CNTNAP5: variants seen among roughly 807,000 people sequenced by gnomAD.
CNTNAP5 encodes the protein contactin associated protein family member 5.
Under a neutral mutation model 150.2 loss-of-function variants are expected in CNTNAP5, and 72 were observed. The ratio of observed to expected loss-of-function variants is 0.48; its 90% CI spans 0.40 to 0.58. The LOEUF is 0.58. Ranked by LOEUF, CNTNAP5 falls within the 20% of genes least tolerant of loss-of-function variation. CNTNAP5 has a pLI of 0.00. For synonymous variants in CNTNAP5, 672 were observed against 619.8 expected (o/e 1.08, Z -1.25); for missense variants, 1,636 against 1,626.2 (o/e 1.01, Z -0.10).
At chr2:124,316,113 G>T (rs1285797242) in intron 3 of CNTNAP5, among the ~76,000 whole-genome samples, 2 of 152,128 alleles carry the variant, frequency 1.3e-5, no homozygotes, top group Admixed American at 1.3e-4. Context: ...CAACTGAGTT[G>T]GTTTTATTGC....
Position 124,176,846 on chromosome 2 carries a change from T to C in CNTNAP5, c.83-44859T>C, listed in dbSNP as rs1219166107. Among the ~76,000 whole-genome samples the C allele has an allele frequency of 2.0e-5, 3 of 146,948 alleles. No homozygotes were observed. In the East Asian group the frequency reaches 5.9e-4, roughly 29 times the overall value. On this transcript the variant is annotated intron_variant, in intron 1 of 23. Transcript: ENST00000682447. ...ATAATGTCTTTGTTATTGCTGGTTTTTTTTTTTTTTTTTTTTACATGGCGT... is the reference window on the plus strand; with the variant it reads ...ATAATGTCTTTGTTATTGCTGGTTTCTTTTTTTTTTTTTTTTACATGGCGT...
intron 12 of CNTNAP5, among the ~76,000 whole-genome samples, chr2:124,644,410 A>G (rs1678161851): frequency 6.6e-6 from 1 of 152,226 alleles, no homozygotes; most frequent in Non-Finnish European, 1.5e-5. Flanking sequence ...CAATAATATT[A>G]GTGGCTTTAA....
chr2:124,091,641 A>G (rs1682816263), intron 1 of CNTNAP5, among the ~76,000 whole-genome samples: 1 of 152,176 alleles, frequency 6.6e-6, no homozygotes, highest in African/African-American at 2.4e-5. Context: ...TCAAAAGGAA[A>G]AGAAAGCACA....
rs1425695444 is a variant in CNTNAP5 at position 124,504,467 on chromosome 2, G to T, written c.1238G>T (p.Gly413Val). 1.2e-6 allele frequency: 2 copies of T among 1,613,822 alleles called. No homozygotes were observed. The highest frequency in any genetic ancestry group is 2.2e-5 in the East Asian group (1 of 44,828). Residue 413 changes from glycine to valine, a missense_variant, in exon 8 of 24, where the codon GGC becomes GTC. By Grantham distance (109) the Gly-to-Val change is moderately radical. Transcript: ENST00000682447. The part of the protein sequence containing the change: ...GLLLSTELSE[G>V]SGTLLLSLEG... ...CTTCTGTCCACAGAGCTGTCTGAGG[G>T]CTCGGGAACCCTGCTGCTGAGCCTG... is the stretch of plus-strand genomic sequence containing the variant.
intron 1 of CNTNAP5, among the ~76,000 whole-genome samples, chr2:124,128,568 C>A (rs576065291): frequency 6.6e-6 from 1 of 152,132 alleles, no homozygotes; most frequent in Non-Finnish European, 1.5e-5. Context: ...TGGGTATATA[C>A]CCAAAGAATG....
chr2:124,875,095 G>T (rs1006161459), intron 21 of CNTNAP5, among the ~76,000 whole-genome samples: 2 of 151,994 alleles, frequency 1.3e-5, no homozygotes, highest in African/African-American at 4.8e-5. Flanking sequence ...TGCATCTATA[G>T]AACAGGGTTC....
At chr2:124,188,451 G>A (rs1229639108) in intron 1 of CNTNAP5, among the ~76,000 whole-genome samples, 6 of 152,136 alleles carry the variant, frequency 3.9e-5, no homozygotes. Context: ...CGGGCGCAGT[G>A]GCTCATGCCT....
chr2:124,345,726 G>T (rs545283579), intron 3 of CNTNAP5, among the ~76,000 whole-genome samples: 1 of 152,124 alleles, frequency 6.6e-6, no homozygotes, highest in African/African-American at 2.4e-5. Flanking sequence ...GGACAGAGTT[G>T]AAGTGACATT....
intron 3 of CNTNAP5, among the ~76,000 whole-genome samples, chr2:124,269,217 A>G (rs1452094323): frequency 6.6e-6 from 1 of 152,194 alleles, no homozygotes; most frequent in Non-Finnish European, 1.5e-5. Flanking sequence ...AAGAAAAAAT[A>G]AAAATGTGAA....
At chr2:124,414,009 C>A (rs1181653184) in intron 3 of CNTNAP5, among the ~76,000 whole-genome samples, 2 of 151,380 alleles carry the variant, frequency 1.3e-5, no homozygotes, top group African/African-American at 4.9e-5. Context: ...GAGGCTATTT[C>A]TTTAGTTGTA....
intron 4 of CNTNAP5, among the ~76,000 whole-genome samples, chr2:124,420,023 G>A (rs147932662): frequency 4.6e-5 from 5 of 108,880 alleles, no homozygotes; most frequent in East Asian, 2.9e-4. Flanking sequence ...ATGGAGCCTC[G>A]CTCTCTTGCC....
chr2:124,116,316 C>T (rs1683428044), intron 1 of CNTNAP5, among the ~76,000 whole-genome samples: 1 of 152,158 alleles, frequency 6.6e-6, no homozygotes, highest in South Asian at 2.1e-4. Context: ...CCTGCTATCA[C>T]AGTCCCCATA....
At chr2:124,354,526 T>C (rs1156866795) in intron 3 of CNTNAP5, among the ~76,000 whole-genome samples, 1 of 152,174 alleles carries the variant, frequency 6.6e-6, no homozygotes, top group Non-Finnish European at 1.5e-5. Context: ...TCTTGCCAGA[T>C]GGGAAATTGG....
At chr2:124,632,516 G>T (rs1677885258) in intron 12 of CNTNAP5, among the ~76,000 whole-genome samples, 1 of 151,776 alleles carries the variant, frequency 6.6e-6, no homozygotes, top group Admixed American at 6.6e-5. Flanking sequence ...GAATACGTGG[G>T]CACAGGGAGG....
intron 13 of CNTNAP5, among the ~76,000 whole-genome samples, chr2:124,732,898 A>T (rs1014523355): frequency 5.3e-5 from 8 of 152,102 alleles, no homozygotes; most frequent in African/African-American, 1.7e-4. Flanking sequence ...ACCATGAGGG[A>T]TTTCCACTTT....
chr2:124,030,100 A>G (rs1365133560), intron 1 of CNTNAP5, among the ~76,000 whole-genome samples: 15 of 152,272 alleles, frequency 9.9e-5, no homozygotes, highest in Non-Finnish European at 2.2e-4. Context: ...ATCTTGCTGT[A>G]TGCAACGAAG....
intron 8 of CNTNAP5, among the ~76,000 whole-genome samples, chr2:124,518,994 C>CA (rs35578704): frequency 0.12 from 5,788 of 47,284 alleles, 955 homozygotes; most frequent in African/African-American, 0.33. Context: ...GCCTGGGCCG[C>CA]AAAAAAAAAA....
chr2:124,746,347 G>T (rs1357180511), intron 13 of CNTNAP5, among the ~76,000 whole-genome samples: 1 of 152,012 alleles, frequency 6.6e-6, no homozygotes, highest in Non-Finnish European at 1.5e-5. Context: ...ACTACATTTT[G>T]TAAAGAAAAA....
intron 11 of CNTNAP5, among the ~76,000 whole-genome samples, chr2:124,599,467 C>A (rs1696929194): frequency 6.6e-6 from 1 of 152,146 alleles, no homozygotes; most frequent in Middle Eastern, 3.4e-3. Flanking sequence ...TGTTTGCTGA[C>A]ACTATATTTA....
Sources: allele counts gnomAD v4.1 joint callset (sites outside exome capture counted in the v4.1 genomes callset), GRCh38; gene constraint gnomAD v4.1.1; transcripts MANE v1.5; gene names NCBI Gene and HGNC (gene_info 2026-07-23, HGNC 2026-07-21).